The following NFIB variants were observed in gnomAD, a reference collection of about 807,000 sequenced individuals.
NFIB encodes the protein nuclear factor I B.
In NFIB, 11 loss-of-function variants were observed where a neutral mutation model predicts 61.5. The ratio of observed to expected loss-of-function variants is 0.18; its 90% confidence interval spans 0.11 to 0.30. NFIB has a LOEUF of 0.30. Among genes scored for constraint, NFIB ranks in the 10% least tolerant of loss-of-function variants. The pLI, the probability that NFIB is intolerant of heterozygous loss-of-function variation, is 1.00. For synonymous variants in NFIB, 260 were observed against 216.5 expected (o/e 1.20, Z -1.76); for missense variants, 471 against 608.9 (o/e 0.77, Z 2.38).
In NFIB at chr9:14,095,447, CA is replaced by C. The variant is rs2034624371; in HGVS notation, c.1468-7122del. Reference sequence around the variant, plus strand: ...GACCACAGCACAGTGGAGAAGCCCACATGTTGATTTCCAGCCTCTTTCTGTC... The same window carrying C: ...GACCACAGCACAGTGGAGAAGCCCACTGTTGATTTCCAGCCTCTTTCTGTC... On this transcript the variant is annotated intron_variant, in intron 10 of 10. Transcript: ENST00000380953. Among the ~76,000 whole-genome samples, 4 of 152,204 alleles carry C rather than the reference CA, an allele frequency of 2.6e-5. No individual in the cohort carries two copies. The South Asian group carries it at 8.3e-4, about 32-fold the overall frequency.
At chr9:14,301,409 T>A (rs1345799415) in intron 2 of NFIB, among the ~76,000 whole-genome samples, 2 of 152,228 alleles carry the variant, frequency 1.3e-5, no homozygotes, top group East Asian at 3.8e-4. Context: ...TATTTTTCAT[T>A]ACAAAATTTG....
chr9:14,132,489 T>C (rs1265031476), intron 6 of NFIB, among the ~76,000 whole-genome samples: 1 of 152,182 alleles, frequency 6.6e-6, no homozygotes, highest in African/African-American at 2.4e-5. Flanking sequence ...ATTTTTCACA[T>C]TATCAAGCTG....
At chr9:14,233,642 C>T (rs1011860919) in intron 2 of NFIB, among the ~76,000 whole-genome samples, 2 of 152,090 alleles carry the variant, frequency 1.3e-5, no homozygotes, top group Non-Finnish European at 1.5e-5. Flanking sequence ...GTTGGCCAGG[C>T]TGGTCTCAAA....
chr9:14,173,296 A>T (rs551935016), intron 3 of NFIB, among the ~76,000 whole-genome samples: 228 of 152,270 alleles, frequency 1.5e-3, no homozygotes, highest in African/African-American at 5.2e-3. Flanking sequence ...TTTTAATTCC[A>T]AAGTTCATGC....
chr9:14,433,975 C>G, the NFIB span, among the ~76,000 whole-genome samples: 1 of 152,198 alleles, frequency 6.6e-6, no homozygotes, highest in Non-Finnish European at 1.5e-5. Context: ...GTTGCTGCGG[C>G]CACAACGCAG....
the NFIB span, among the ~76,000 whole-genome samples, chr9:14,434,134 G>C: frequency 6.6e-6 from 1 of 152,220 alleles, no homozygotes; most frequent in African/African-American, 2.4e-5. Context: ...AAGAGAAGCT[G>C]TGTTCCCGTA....
chr9:14,273,931 T>G (rs1357550988), intron 2 of NFIB, among the ~76,000 whole-genome samples: 1 of 152,148 alleles, frequency 6.6e-6, no homozygotes, highest in South Asian at 2.1e-4. Flanking sequence ...CTCACCACAA[T>G]TAGCCACAGG....
chr9:14,242,711 G>A (rs946686996), intron 2 of NFIB, among the ~76,000 whole-genome samples: 1 of 152,134 alleles, frequency 6.6e-6, no homozygotes, highest in Non-Finnish European at 1.5e-5. Flanking sequence ...ATGGGTATAT[G>A]ATCAACAAAG....
the NFIB span, among the ~76,000 whole-genome samples, chr9:14,483,482 A>G: frequency 6.6e-6 from 1 of 152,204 alleles, no homozygotes; most frequent in Non-Finnish European, 1.5e-5. Flanking sequence ...TCACGGAGGC[A>G]TCAATATTGG....
At chr9:14,520,203 T>C in the NFIB span, among the ~76,000 whole-genome samples, 2 of 152,326 alleles carry the variant, frequency 1.3e-5, no homozygotes, top group East Asian at 3.9e-4. Context: ...TAATTGTAAT[T>C]TTATCAAAAG....
intron 6 of NFIB, among the ~76,000 whole-genome samples, chr9:14,142,499 T>C (rs2131064436): frequency 6.6e-6 from 1 of 152,298 alleles, no homozygotes; most frequent in East Asian, 1.9e-4. Context: ...CAACTGGATT[T>C]AGTCTCATGA....
rs2032823393 is a variant in NFIB, at chr9:14,086,085, GA to G, written c.*2223del. On this transcript the variant is annotated 3_prime_UTR_variant, in exon 11 of 11. Transcript: ENST00000380953. ...TTGTGTTGTTATGAAAACCAGTAAT[GA>G]GTTCAGCTTGCAACCCAGGTGGGAA... 2 of 225,364 alleles carry G rather than the reference GA, an allele frequency of 8.9e-6. No individual in the cohort carries two copies. Among genetic ancestry groups the G allele is most frequent in the Non-Finnish European group, 1.8e-5 (2 of 112,820 alleles). The allele number at this position is 225,364 out of a possible 1,614,324, so 14.0% of individuals were successfully genotyped here. A position where few individuals can be genotyped will look rare whatever the true frequency, so the allele number is the denominator to read the frequency against.
chr9:14,202,657 G>C (rs569417668), intron 2 of NFIB, among the ~76,000 whole-genome samples: 81 of 152,008 alleles, frequency 5.3e-4, no homozygotes, highest in African/African-American at 1.9e-3. Context: ...TCGGTTCTAC[G>C]TTTCTTGTCT....
chr9:14,193,058 A>C (rs1323140853), intron 2 of NFIB, among the ~76,000 whole-genome samples: 1 of 151,916 alleles, frequency 6.6e-6, no homozygotes, highest in Non-Finnish European at 1.5e-5. Flanking sequence ...GCCACCATTC[A>C]GTACTAAGTA....
intron 1 of NFIB, among the ~76,000 whole-genome samples, chr9:14,320,957 T>TA (rs2060645392): frequency 6.6e-6 from 1 of 152,028 alleles, no homozygotes; most frequent in African/African-American, 2.4e-5. Flanking sequence ...GAAAAATACT[T>TA]AGAGATCTTG....
the NFIB span, among the ~76,000 whole-genome samples, chr9:14,429,049 G>T: frequency 1.3e-5 from 2 of 152,164 alleles, no homozygotes; most frequent in Non-Finnish European, 2.9e-5. Context: ...GAACACACAA[G>T]TTCACCATTC....
intron 2 of NFIB, among the ~76,000 whole-genome samples, chr9:14,222,802 A>AAAAAAAAG (rs2051851621): frequency 6.6e-6 from 1 of 150,850 alleles, no homozygotes; most frequent in African/African-American, 2.4e-5. Flanking sequence ...TCTCAAAAAA[A>AAAAAAAAG]AAAAAAAGAA....
At chr9:14,209,303 GA>G (rs1449632770) in intron 2 of NFIB, among the ~76,000 whole-genome samples, 1 of 152,164 alleles carries the variant, frequency 6.6e-6, no homozygotes, top group African/African-American at 2.4e-5. Flanking sequence ...TTAGGATTTG[GA>G]AGGAAAAGGA....
rs569546023 is a variant in NFIB, at chr9:14,122,831, G to C, written c.1061-2207C>G. Among the ~76,000 whole-genome samples, 3 of 152,188 alleles carry C rather than the reference G, an allele frequency of 2.0e-5. No individual in the cohort carries two copies. The East Asian group carries it at 5.8e-4, about 29-fold the overall frequency. ...AATCAAACCCGAACTCACATCTATG[G>C]GCAACCTGGCACTGTGCTTGCATGA... On this transcript the variant is annotated intron_variant, in intron 7 of 10. Coordinates refer to ENST00000380953, the MANE Select transcript of NFIB (RefSeq NM_001190737.2).
Sources: allele counts gnomAD v4.1 joint callset (sites outside exome capture counted in the v4.1 genomes callset), GRCh38; gene constraint gnomAD v4.1.1; transcripts MANE v1.5; gene names NCBI Gene and HGNC (gene_info 2026-07-23, HGNC 2026-07-21).